The following SPAG16 variants were observed in gnomAD, a reference collection of about 807,000 sequenced individuals.
SPAG16 encodes sperm associated antigen 16, also known as sperm-associated antigen 16 protein.
SPAG16 carries 86 observed loss-of-function variants against 80.4 expected under a neutral mutation model. The observed-to-expected ratio is 1.07, with a 90% CI of 0.90 to 1.28. SPAG16 has a LOEUF of 1.28. Among genes scored for constraint, SPAG16 ranks in the 50% most tolerant of loss-of-function variants. The pLI is 0.00. For missense variants in SPAG16, 870 were observed against 765.3 expected, an observed-to-expected ratio of 1.14 and a Z score of -1.61; for synonymous variants, 294 against 265.9, an observed-to-expected ratio of 1.11 and a Z score of -1.03.
intron 15 of SPAG16, among the ~76,000 whole-genome samples, chr2:214,181,868 C>G (rs555727070): frequency 1.3e-5 from 2 of 151,900 alleles, no homozygotes; most frequent in East Asian, 3.9e-4. Flanking sequence ...TACCATGCCT[C>G]TTGCATCACA....
chr2:213,614,759 T>C (rs1292868267), intron 10 of SPAG16, among the ~76,000 whole-genome samples: 2 of 152,274 alleles, frequency 1.3e-5, no homozygotes, highest in Non-Finnish European at 2.9e-5. Flanking sequence ...GGGACATTAG[T>C]ATAATCTTAA....
At chr2:213,299,255 G>A (rs2062625827) in intron 3 of SPAG16, among the ~76,000 whole-genome samples, 1 of 151,496 alleles carries the variant, frequency 6.6e-6, no homozygotes, top group Non-Finnish European at 1.5e-5. Flanking sequence ...ATGACTTATT[G>A]CGACTTATTG....
intron 15 of SPAG16, among the ~76,000 whole-genome samples, chr2:214,302,367 A>C (rs961644774): frequency 4.6e-5 from 7 of 152,222 alleles, no homozygotes; most frequent in Admixed American, 3.3e-4. Flanking sequence ...GCCGTCATGT[A>C]ATGACTGGTG....
At chr2:214,389,916 T>C (rs1044320511) in intron 15 of SPAG16, among the ~76,000 whole-genome samples, 2 of 152,150 alleles carry the variant, frequency 1.3e-5, no homozygotes, top group Admixed American at 6.5e-5. Context: ...ATGTAAAACG[T>C]TGAAGTGACT....
In SPAG16 at chr2:214,018,304, A is replaced by T. The variant is rs189919397; in HGVS notation, c.1527+4227A>T. On this transcript the variant is annotated intron_variant, in intron 13 of 15. Transcript: ENST00000331683. ...CTTTAAATCACCCAGGTTTTAAAAA[A>T]TTTATACTGTTATATACATTGTTTT... Among the ~76,000 whole-genome samples, 927 of 152,268 alleles carry T rather than the reference A, an allele frequency of 6.1e-3. 6 individuals carry two copies. Among genetic ancestry groups the T allele is most frequent in the Admixed American group, 0.011 (163 of 15,274 alleles).
At chr2:214,206,072 T>A (rs958020509) in intron 15 of SPAG16, among the ~76,000 whole-genome samples, 1 of 152,084 alleles carries the variant, frequency 6.6e-6, no homozygotes, top group African/African-American at 2.4e-5. Context: ...GGCATACGCC[T>A]GTAGTCCCAC....
rs529581209 is a variant in SPAG16 at position 214,305,737 on chromosome 2, A to G, written c.1721-104403A>G. 6.6e-5 allele frequency among the ~76,000 whole-genome samples: 10 copies of G among 152,068 alleles called. No homozygotes were observed. The East Asian group carries it at 1.7e-3, about 27-fold the overall frequency. ...TTCTGTTCCACTGCTCTATGTGTCTATTCTTTTACCAGAACCATGCTGTTT... is the reference window on the plus strand; with the variant it reads ...TTCTGTTCCACTGCTCTATGTGTCTGTTCTTTTACCAGAACCATGCTGTTT... On this transcript the variant is annotated intron_variant, in intron 15 of 15. Transcript: ENST00000331683.
intron 12 of SPAG16, among the ~76,000 whole-genome samples, chr2:213,997,731 G>C (rs1458440522): frequency 1.3e-5 from 2 of 152,180 alleles, no homozygotes; most frequent in Admixed American, 6.5e-5. Flanking sequence ...ACTAGTGATA[G>C]CTGATGAGGT....
intron 10 of SPAG16, among the ~76,000 whole-genome samples, chr2:213,553,932 C>A (rs753980461): frequency 2.1e-4 from 32 of 152,276 alleles, no homozygotes; most frequent in Admixed American, 5.2e-4. Context: ...CTGTTACAGA[C>A]TTGGCAGTGG....
intron 10 of SPAG16, among the ~76,000 whole-genome samples, chr2:213,558,087 T>C (rs562458502): frequency 6.6e-6 from 1 of 152,278 alleles, no homozygotes; most frequent in South Asian, 2.1e-4. Context: ...ATGAATACTT[T>C]ATAAATCTTG....
intron 9 of SPAG16, among the ~76,000 whole-genome samples, chr2:213,408,427 A>T (rs575965245): frequency 3.0e-4 from 46 of 152,378 alleles, no homozygotes; most frequent in African/African-American, 1.1e-3. Flanking sequence ...AGCACAACTC[A>T]CCAGTTTAGT....
intron 15 of SPAG16, among the ~76,000 whole-genome samples, chr2:214,213,859 G>T (rs1218824775): frequency 1.3e-5 from 2 of 152,142 alleles, no homozygotes; most frequent in African/African-American, 2.4e-5. Context: ...GGACCATAAA[G>T]GTCATGGCCT....
intron 10 of SPAG16, among the ~76,000 whole-genome samples, chr2:213,551,056 T>G (rs879625228): frequency 6.6e-6 from 1 of 152,182 alleles, no homozygotes; most frequent in Non-Finnish European, 1.5e-5. Flanking sequence ...ACCGTAATAG[T>G]CAGAGATTTG....
At chr2:213,895,874 A>AT in intron 11 of SPAG16, among the ~76,000 whole-genome samples, 1 of 152,182 alleles carries the variant, frequency 6.6e-6, no homozygotes, top group Non-Finnish European at 1.5e-5. Flanking sequence ...CTGGACAAAG[A>AT]TTTTGTGTTT....
intron 12 of SPAG16, among the ~76,000 whole-genome samples, chr2:214,006,034 C>T (rs1173445443): frequency 6.6e-6 from 1 of 152,110 alleles, no homozygotes; most frequent in Non-Finnish European, 1.5e-5. Context: ...TATATAAATG[C>T]TATTTAAAAT....
chr2:213,759,364 T>C (rs1052016733), intron 10 of SPAG16, among the ~76,000 whole-genome samples: 2 of 152,074 alleles, frequency 1.3e-5, no homozygotes, highest in Non-Finnish European at 2.9e-5. Context: ...TAAAAGTTCA[T>C]ATTATGCTTT....
chr2:214,060,581 T>G (rs897858437), intron 13 of SPAG16, among the ~76,000 whole-genome samples: 6 of 152,224 alleles, frequency 3.9e-5, no homozygotes, highest in African/African-American at 1.4e-4. Flanking sequence ...CTTATAATGA[T>G]AAAACTATAA....
intron 10 of SPAG16, among the ~76,000 whole-genome samples, chr2:213,631,725 A>G (rs2062159128): frequency 2.0e-5 from 3 of 152,178 alleles, no homozygotes; most frequent in African/African-American, 7.2e-5. Context: ...TCCCAGCACC[A>G]TTTATTGAGG....
chr2:213,397,211 A>C (rs1559088293), intron 9 of SPAG16, among the ~76,000 whole-genome samples: 1 of 148,238 alleles, frequency 6.7e-6, no homozygotes, highest in Non-Finnish European at 1.5e-5. Flanking sequence ...TTCTCACTTC[A>C]CTGAATAAGG....
Sources: gnomAD v4.1 joint callset for allele counts (sites outside exome capture counted in the v4.1 genomes callset) on GRCh38, gnomAD v4.1.1 for gene constraint, MANE v1.5 for transcripts, NCBI Gene and HGNC (gene_info 2026-07-23, HGNC 2026-07-21) for gene names.